MTO1: variants seen among roughly 807,000 people sequenced by gnomAD.
MTO1 encodes the protein mitochondrial tRNA translation optimization 1, also known as 5-taurinomethyluridine-[tRNA] synthase subunit MTO1, mitochondrial.
MTO1 carries 46 observed loss-of-function variants against 71.6 expected under a neutral mutation model. That is an observed-to-expected ratio of 0.64 (90% CI 0.51 to 0.82). The LOEUF is 0.82. MTO1 is among the 40% of genes least tolerant of loss of function. The pLI is 0.00. For missense variants in MTO1, 773 were observed against 867.5 expected (o/e 0.89, Z 1.37); for synonymous variants, 297 against 312.1 (o/e 0.95, Z 0.51).
chr6:73,491,612 G>GTA (rs1771808234), intron 9 of MTO1, among the ~76,000 whole-genome samples: 2 of 152,274 alleles, frequency 1.3e-5, no homozygotes, highest in African/African-American at 4.8e-5. Flanking sequence ...TGGCTTAGAT[G>GTA]TAAAGTACAT....
At chr6:73,471,078 C>T (rs1771149596) in intron 3 of MTO1, among the ~76,000 whole-genome samples, 1 of 151,900 alleles carries the variant, frequency 6.6e-6, no homozygotes, top group Admixed American at 6.6e-5. Context: ...ATGTACATGT[C>T]TTCATGCATA....
At chr6:73,485,181 T>C (rs781486642) in intron 9 of MTO1, among the ~76,000 whole-genome samples, 1 of 152,134 alleles carries the variant, frequency 6.6e-6, no homozygotes, top group Non-Finnish European at 1.5e-5. Context: ...TGGGAAGTGA[T>C]CGTTTTCAGC....
chr6:73,471,045 G>A (rs1257415538), intron 3 of MTO1, among the ~76,000 whole-genome samples: 1 of 151,952 alleles, frequency 6.6e-6, no homozygotes, highest in African/African-American at 2.4e-5. Context: ...TTAATCTGTT[G>A]TGTGGTCTTT....
intron 3 of MTO1, among the ~76,000 whole-genome samples, chr6:73,467,759 G>T (rs1287495902): frequency 6.6e-6 from 1 of 151,908 alleles, no homozygotes; most frequent in African/African-American, 2.4e-5. Context: ...TGAATAGCAG[G>T]CTTATCTTTT....
chr6:73,480,258 GTC>G lies in MTO1; in HGVS notation c.1129+134_1129+135del, dbSNP rs777691389. 27 of 947,510 alleles carry G rather than the reference GTC, an allele frequency of 2.8e-5. No individual in the cohort carries two copies. In the African/African-American group the frequency reaches 4.2e-4, roughly 15 times the overall value. 58.7% of individuals were successfully genotyped at this position (947,510 alleles called of 1,614,324 possible). A position where few individuals can be genotyped will look rare whatever the true frequency, so the allele number is the denominator to read the frequency against. ...GCCCAACACCTATACATTTTAAATA[GTC>G]TGTTTTTTGTTTGTTTGTTTGTTTG... On this transcript the variant is annotated intron_variant, in intron 6 of 11. Coordinates refer to ENST00000498286, the MANE Select transcript of MTO1 (RefSeq NM_012123.4).
At chr6:73,481,679 G>T (rs929368839) in intron 7 of MTO1, among the ~76,000 whole-genome samples, 38 of 151,990 alleles carry the variant, frequency 2.5e-4, no homozygotes, top group Non-Finnish European at 1.5e-5. Context: ...GAGGTGGGAG[G>T]ATTGCTTAAA....
rs774875269 is a variant in MTO1, at chr6:73,466,318, A to T, written c.327A>T (p.Val109=). 3 of 1,614,038 alleles carry T rather than the reference A, an allele frequency of 1.9e-6. No homozygotes were observed. The change falls in exon 2 of 12, where the codon GTA becomes GTT. Residue 109 remains valine, a synonymous_variant. Transcript: ENST00000498286. ...LCSRICDQSG[V]HYKVLNRRKG... is the part of the protein sequence containing the mutation. ...CTCGCATCTGTGACCAGTCTGGTGTACATTATAAAGTATTAAACCGGCGTA... is the reference window on the plus strand; with the variant it reads ...CTCGCATCTGTGACCAGTCTGGTGTTCATTATAAAGTATTAAACCGGCGTA...
chr6:73,492,438 G>T, intron 10 of MTO1, 86 bp downstream of exon 10: 1 of 879,034 alleles, frequency 1.1e-6, no homozygotes, highest in Non-Finnish European at 1.9e-6. Context: ...TGTTGGACCA[G>T]CACAGTGTTA....
intron 3 of MTO1, among the ~76,000 whole-genome samples, chr6:73,467,614 A>AATAAATAAATAAAT (rs1771036394): frequency 7.0e-6 from 1 of 143,494 alleles, no homozygotes; most frequent in Non-Finnish European, 1.5e-5. Context: ...ACTCTGTCTC[A>AATAAATAAATAAAT]AAATAAATAA....
Position 73,461,742 on chromosome 6 carries a change from A to T in MTO1, c.-113A>T, listed in dbSNP as rs1770820229. 2.6e-6 allele frequency: 3 copies of T among 1,168,582 alleles called. No individual in the cohort carries two copies. The highest frequency in any genetic ancestry group is 3.7e-6 in the Non-Finnish European group (3 of 819,884). The allele number at this position is 1,168,582 out of a possible 1,614,324, so 72.4% of individuals were successfully genotyped here. A position where few individuals can be genotyped will look rare whatever the true frequency, so the allele number is the denominator to read the frequency against. The stretch of plus-strand genomic sequence containing the variant: ...CGGCGACGCTGGACGTAGACGTCCT[A>T]CCCCGTGATATTAAAGCAAGATGGC... On this transcript the variant is annotated 5_prime_UTR_variant, in exon 1 of 12. Transcript: ENST00000498286.
chr6:73,466,231 C>G lies in MTO1; in HGVS notation c.240C>G (p.Ser80=). The change falls in exon 2 of 12, where the codon TCC becomes TCG. Residue 80 remains serine (S), a synonymous_variant. Transcript: ENST00000498286. ...DTIGQMSCNP[S]FGGIGKGHLM... is the part of the protein sequence containing the mutation. ...TAGGTCAGATGTCATGTAATCCTTC[C>G]TTTGGTGGCATCGGAAAGGGACATT... The G allele has an allele frequency of 6.2e-7, 1 of 1,613,656 alleles. No homozygotes were observed. Among genetic ancestry groups the G allele is most frequent in the Non-Finnish European group, 8.5e-7 (1 of 1,179,744 alleles).
rs75665277 is a variant in MTO1 at position 73,464,402 on chromosome 6, C to T, written c.218-1807C>T. On this transcript the variant is annotated intron_variant, in intron 1 of 11. Coordinates refer to ENST00000498286, the MANE Select transcript of MTO1 (RefSeq NM_012123.4). ...TAGGTCTAGAAATTGAGCCAGATAT[C>T]TCTTTCACACACACTCCTCATAATG... Among the ~76,000 whole-genome samples, 140 of 152,204 alleles carry T rather than the reference C, an allele frequency of 9.2e-4. No individual in the cohort carries two copies. In the East Asian group the frequency reaches 0.024, roughly 26 times the overall value.
chr6:73,485,642 C>T (rs1582690479), intron 9 of MTO1, among the ~76,000 whole-genome samples: 1 of 152,120 alleles, frequency 6.6e-6, no homozygotes, highest in Non-Finnish European at 1.5e-5. Flanking sequence ...AGGGTTTCAC[C>T]GTGTTAGCCA....
chr6:73,479,804 C>T lies in MTO1; in HGVS notation c.898C>T (p.His300Tyr). The T allele has an allele frequency of 6.2e-7, 1 of 1,613,938 alleles. No homozygotes were observed. Among genetic ancestry groups the T allele is most frequent in the Non-Finnish European group, 8.5e-7 (1 of 1,179,884 alleles). ...GGATGAGATTGTCCTTAAGAACCTTCACCTTAATAGTCATGTTAAAGAAAC... is the reference window on the plus strand; with the variant it reads ...GGATGAGATTGTCCTTAAGAACCTTTACCTTAATAGTCATGTTAAAGAAAC... ...RVDEIVLKNL[H>Y]LNSHVKETTR... is the part of the protein sequence containing the mutation. The change falls in exon 5 of 12, where the codon CAC becomes TAC. Residue 300 changes from histidine to tyrosine, a missense_variant. By Grantham distance (83) the His-to-Tyr change is moderately conservative. Coordinates refer to ENST00000498286, the MANE Select transcript of MTO1 (RefSeq NM_012123.4).
At chr6:73,465,070 G>A (rs1770944931) in intron 1 of MTO1, among the ~76,000 whole-genome samples, 1 of 152,070 alleles carries the variant, frequency 6.6e-6, no homozygotes, top group African/African-American at 2.4e-5. Flanking sequence ...ATTCTGCAAA[G>A]TAAGTGCAAA....
At chr6:73,476,043 G>A (rs1246787859) in intron 4 of MTO1, among the ~76,000 whole-genome samples, 1 of 152,052 alleles carries the variant, frequency 6.6e-6, no homozygotes, top group Admixed American at 6.6e-5. Flanking sequence ...ACATAGCAGA[G>A]CAACTTCCTC....
chr6:73,485,072 A>G (rs1582690014), intron 9 of MTO1, among the ~76,000 whole-genome samples: 1 of 151,898 alleles, frequency 6.6e-6, no homozygotes, highest in Non-Finnish European at 1.5e-5. Context: ...AAGAATTTAT[A>G]TAACACTATG....
intron 9 of MTO1, among the ~76,000 whole-genome samples, chr6:73,489,639 T>G (rs1486161809): frequency 7.2e-5 from 11 of 152,168 alleles, no homozygotes; most frequent in Non-Finnish European, 1.5e-4. Flanking sequence ...GGCTGCATAG[T>G]ATTCCATGGT....
chr6:73,475,996 C>T (rs773667251), intron 4 of MTO1, among the ~76,000 whole-genome samples: 14 of 152,140 alleles, frequency 9.2e-5, no homozygotes, highest in Non-Finnish European at 1.8e-4. Context: ...GACACTGAAC[C>T]ATTCTTAGAT....
Sources: gnomAD v4.1 joint callset for allele counts (sites outside exome capture counted in the v4.1 genomes callset) on GRCh38, gnomAD v4.1.1 for gene constraint, MANE v1.5 for transcripts, NCBI Gene and HGNC (gene_info 2026-07-23, HGNC 2026-07-21) for gene names.